Variants in L3MBTL4 observed in about 807,000 individuals in gnomAD.
L3MBTL4 encodes L3MBTL histone methyl-lysine binding protein 4, also known as lethal(3)malignant brain tumor-like protein 4.
Under a neutral mutation model 84.5 loss-of-function variants are expected in L3MBTL4, and 70 were observed. The observed-to-expected ratio is 0.83, with a 90% CI of 0.68 to 1.01. The LOEUF is 1.01. Ranked by LOEUF, L3MBTL4 falls within the 50% of genes least tolerant of loss-of-function variation. The pLI is 0.00. For synonymous variants in L3MBTL4, 274 were observed against 259.8 expected, an observed-to-expected ratio of 1.05 and a Z score of -0.52; for missense variants, 715 against 754.8, an observed-to-expected ratio of 0.95 and a Z score of 0.62.
intron 16 of L3MBTL4, among the ~76,000 whole-genome samples, chr18:6,048,038 G>T (rs748623052): frequency 2.0e-5 from 3 of 152,090 alleles, no homozygotes; most frequent in Non-Finnish European, 4.4e-5. Flanking sequence ...CCTAGAACAG[G>T]TAAACAACTT....
At chr18:6,187,199 G>A (rs1231257333) in intron 12 of L3MBTL4, among the ~76,000 whole-genome samples, 2 of 152,162 alleles carry the variant, frequency 1.3e-5, no homozygotes, top group Non-Finnish European at 2.9e-5. Context: ...ACTCAAGGTA[G>A]ATGCTGTTTT....
chr18:6,134,009 T>A (rs922766365), intron 14 of L3MBTL4, among the ~76,000 whole-genome samples: 1 of 152,080 alleles, frequency 6.6e-6, no homozygotes, highest in Non-Finnish European at 1.5e-5. Flanking sequence ...GATAAAGACA[T>A]ACCCGAGACT....
chr18:5,973,862 A>G (rs1302760300), intron 16 of L3MBTL4, among the ~76,000 whole-genome samples: 1 of 152,210 alleles, frequency 6.6e-6, no homozygotes, highest in African/African-American at 2.4e-5. Context: ...CATTGCCGTC[A>G]TGACTCCTAT....
chr18:6,276,896 A>G (rs531818421), intron 4 of L3MBTL4, among the ~76,000 whole-genome samples: 1 of 152,288 alleles, frequency 6.6e-6, no homozygotes, highest in Non-Finnish European at 1.5e-5. Flanking sequence ...TCTTTAAAGC[A>G]CTGAAAGCCA....
chr18:6,016,360 T>C (rs944240814), intron 16 of L3MBTL4, among the ~76,000 whole-genome samples: 2 of 152,210 alleles, frequency 1.3e-5, no homozygotes, highest in Admixed American at 6.5e-5. Flanking sequence ...TTGGCTCTGA[T>C]CTGTGTAATC....
intron 16 of L3MBTL4, among the ~76,000 whole-genome samples, chr18:6,067,459 A>C (rs2057439547): frequency 6.6e-6 from 1 of 152,152 alleles, no homozygotes; most frequent in South Asian, 2.1e-4. Flanking sequence ...GCCATTTTAC[A>C]TGATCCCATA....
chr18:6,134,830 G>C (rs970830614), intron 14 of L3MBTL4, among the ~76,000 whole-genome samples: 1 of 152,134 alleles, frequency 6.6e-6, no homozygotes, highest in African/African-American at 2.4e-5. Context: ...AGCTGTCAGC[G>C]GATCTACCAT....
intron 14 of L3MBTL4, among the ~76,000 whole-genome samples, chr18:6,107,671 A>G (rs2059056314): frequency 6.6e-6 from 1 of 152,002 alleles, no homozygotes; most frequent in Non-Finnish European, 1.5e-5. Flanking sequence ...AAACGTTGTT[A>G]CTAACATTTT....
At chr18:6,207,118 T>A (rs1193637016) in intron 12 of L3MBTL4, among the ~76,000 whole-genome samples, 2 of 152,232 alleles carry the variant, frequency 1.3e-5, no homozygotes, top group Non-Finnish European at 2.9e-5. Flanking sequence ...GATTGTTTCA[T>A]GACATGTGAA....
At chr18:6,249,536 C>T (rs2047832957) in intron 5 of L3MBTL4, among the ~76,000 whole-genome samples, 1 of 152,056 alleles carries the variant, frequency 6.6e-6, no homozygotes, top group Non-Finnish European at 1.5e-5. Flanking sequence ...CATTACATAG[C>T]TAAAACAGAC....
Position 5,960,163 on chromosome 18 carries a change from T to G in L3MBTL4, c.1615-7A>C, listed in dbSNP as rs1481754721. ...ACTGTACAAACTCAGCCACCTACAG[T>G]GCGAGATGAAAAGCCTAATTTAATA... is the stretch of plus-strand genomic sequence containing the variant. On this transcript the variant is annotated splice_polypyrimidine_tract_variant and splice_region_variant and intron_variant, in intron 17 of 18. Transcript: ENST00000317931. 1.3e-6 allele frequency: 2 copies of G among 1,583,794 alleles called. No homozygotes were observed. The highest frequency in any genetic ancestry group is 2.3e-5 in the South Asian group (2 of 85,870).
chr18:6,182,463 C>A (rs2044519783), intron 12 of L3MBTL4, among the ~76,000 whole-genome samples: 1 of 152,162 alleles, frequency 6.6e-6, no homozygotes, highest in Non-Finnish European at 1.5e-5. Flanking sequence ...GCATAGTTTG[C>A]AAATATTTTC....
intron 16 of L3MBTL4, among the ~76,000 whole-genome samples, chr18:6,007,328 A>G (rs2054534633): frequency 2.9e-5 from 1 of 33,988 alleles, no homozygotes; most frequent in African/African-American, 6.1e-5. Context: ...TAAACATATG[A>G]AAAAAATGCT....
chr18:6,195,453 G>A (rs546494477), intron 12 of L3MBTL4, among the ~76,000 whole-genome samples: 6 of 152,296 alleles, frequency 3.9e-5, no homozygotes, highest in Non-Finnish European at 8.8e-5. Flanking sequence ...CTGTTCAGTG[G>A]TAGAGTTGTG....
intron 1 of L3MBTL4, among the ~76,000 whole-genome samples, chr18:6,327,249 C>A (rs538822760): frequency 3.3e-5 from 5 of 152,260 alleles, no homozygotes; most frequent in South Asian, 2.1e-4. Flanking sequence ...TGGAACTATG[C>A]ATGCCTAGAA....
intron 5 of L3MBTL4, chr18:6,256,999 AAGGGACG>A (rs2146300085): frequency 6.5e-6 from 1 of 152,784 alleles, no homozygotes; most frequent in South Asian, 2.1e-4. Flanking sequence ...TGGGAAAAGC[AAGGGACG>A]AGAGAAAGAG....
chr18:6,404,173 A>G (rs1291630257), intron 1 of L3MBTL4, among the ~76,000 whole-genome samples: 1 of 152,192 alleles, frequency 6.6e-6, no homozygotes, highest in Non-Finnish European at 1.5e-5. Context: ...TGGGTGCACC[A>G]AAACCTCACA....
At chr18:6,212,211 C>A (rs2046138034) in intron 12 of L3MBTL4, among the ~76,000 whole-genome samples, 2 of 152,222 alleles carry the variant, frequency 1.3e-5, no homozygotes, top group African/African-American at 2.4e-5. Flanking sequence ...TGCCAGTGTA[C>A]ATTCTTTTGA....
intron 14 of L3MBTL4, among the ~76,000 whole-genome samples, chr18:6,125,666 G>T (rs1352922063): frequency 6.6e-6 from 1 of 152,176 alleles, no homozygotes; most frequent in Non-Finnish European, 1.5e-5. Flanking sequence ...CTGGGCTCAA[G>T]CAATCCTCCT....
Sources: gnomAD v4.1 joint callset for allele counts (sites outside exome capture counted in the v4.1 genomes callset) on GRCh38, gnomAD v4.1.1 for gene constraint, MANE v1.5 for transcripts, NCBI Gene and HGNC (gene_info 2026-07-23, HGNC 2026-07-21) for gene names.